EDARADD: variants seen among roughly 807,000 people sequenced by gnomAD.
The protein encoded by EDARADD is ectodysplasin-A receptor-associated adapter protein.
Under a neutral mutation model 25.6 loss-of-function variants are expected in EDARADD, and 20 were observed. The ratio of observed to expected loss-of-function variants is 0.78; its 90% CI spans 0.55 to 1.14. The LOEUF is 1.14. Among genes scored for constraint, EDARADD ranks in the 50% most tolerant of loss-of-function variants. The pLI is 0.00. For synonymous variants in EDARADD, 86 were observed against 94.4 expected, an observed-to-expected ratio of 0.91 and a Z score of 0.52; for missense variants, 225 against 270.1, an observed-to-expected ratio of 0.83 and a Z score of 1.17.
At chr1:236,350,790 T>C (rs1311259193) in exon 3 of EDARADD, 1 of 152,260 alleles carries the variant, frequency 6.6e-6, no homozygotes, top group East Asian at 1.9e-4. Context: ...ACTTCAGTCA[T>C]GCCTGCCTCC....
At chr1:236,438,812 G>A (rs958111196) in intron 4 of EDARADD, among the ~76,000 whole-genome samples, 6 of 151,970 alleles carry the variant, frequency 3.9e-5, no homozygotes, top group Admixed American at 1.3e-4. Flanking sequence ...GTAACGGTGC[G>A]TTTGTTATGA....
chr1:236,404,751 G>A (rs963764034), intron 1 of EDARADD, among the ~76,000 whole-genome samples: 2 of 152,032 alleles, frequency 1.3e-5, no homozygotes, highest in East Asian at 1.9e-4. Flanking sequence ...TGCAGTAAGC[G>A]GTGATCACAT....
chr1:236,383,155 G>A (rs2102996515), intron 3 of EDARADD, among the ~76,000 whole-genome samples: 1 of 152,126 alleles, frequency 6.6e-6, no homozygotes, highest in Middle Eastern at 3.4e-3. Context: ...AGCACTTTAG[G>A]AGGCCAAGAT....
At chr1:236,449,997 A>C (rs1198071277) in intron 4 of EDARADD, among the ~76,000 whole-genome samples, 1 of 151,952 alleles carries the variant, frequency 6.6e-6, no homozygotes, top group Non-Finnish European at 1.5e-5. Flanking sequence ...GCTACTGGGG[A>C]GGCTGAGGCA....
At chr1:236,393,230 C>CCAAATGCA (rs1426736787), upstream of EDARADD, among the ~76,000 whole-genome samples, 1 of 152,040 alleles carries the variant, frequency 6.6e-6, no homozygotes. Context: ...TCCATGATTA[C>CCAAATGCA]CAAATGCACT....
intron 4 of EDARADD, among the ~76,000 whole-genome samples, chr1:236,428,879 A>G (rs1364941871): frequency 6.6e-6 from 1 of 152,028 alleles, no homozygotes; most frequent in Non-Finnish European, 1.5e-5. Context: ...TCTGTCTGCA[A>G]TCCCGGCGCC....
rs878914061 is a variant in EDARADD, at chr1:236,483,491, T to C, written c.*842T>C. Reference sequence around the variant, plus strand: ...AAAATAAATCTAAATTTGGTGCAAATGCCATTCTGGGAGTGTCCCTCGCTG... The same window carrying C: ...AAAATAAATCTAAATTTGGTGCAAACGCCATTCTGGGAGTGTCCCTCGCTG... On this transcript the variant is annotated 3_prime_UTR_variant, in exon 6 of 6. Transcript: ENST00000334232. The C allele has an allele frequency of 5.9e-6, 6 of 1,019,924 alleles. No homozygotes were observed. The highest frequency in any genetic ancestry group is 1.3e-5 in the South Asian group (1 of 78,966). 63.2% of individuals were successfully genotyped at this position (1,019,924 alleles called of 1,614,324 possible). A position where few individuals can be genotyped will look rare whatever the true frequency, so the allele number is the denominator to read the frequency against.
intron 2 of EDARADD, among the ~76,000 whole-genome samples, chr1:236,410,719 G>A (rs186459524): frequency 7.9e-5 from 12 of 152,304 alleles, no homozygotes; most frequent in Admixed American, 7.2e-4. Context: ...AAAAGTTTTG[G>A]TTAACTGATT....
intron 4 of EDARADD, among the ~76,000 whole-genome samples, chr1:236,436,631 A>AAC (rs1252500922): frequency 6.6e-6 from 1 of 151,658 alleles, no homozygotes; most frequent in East Asian, 1.9e-4. Context: ...TGTCAAAAAA[A>AAC]AAAAAAAAAA....
At chr1:236,360,367 A>G (rs1667031448) in intron 3 of EDARADD, among the ~76,000 whole-genome samples, 1 of 151,790 alleles carries the variant, frequency 6.6e-6, no homozygotes, top group Admixed American at 6.6e-5. Context: ...TACTTAGGAG[A>G]CTAGAAGGAG....
chr1:236,368,477 GTTGC>G (rs1667138322), intron 3 of EDARADD, among the ~76,000 whole-genome samples: 1 of 90,916 alleles, frequency 1.1e-5, no homozygotes, highest in Non-Finnish European at 2.1e-5. Flanking sequence ...TTTCACTCTT[GTTGC>G]CAAGGCTGGA....
intron 3 of EDARADD, among the ~76,000 whole-genome samples, chr1:236,415,767 G>C (rs1421893204): frequency 1.3e-5 from 2 of 152,184 alleles, no homozygotes; most frequent in Non-Finnish European, 2.9e-5. Flanking sequence ...CCTTTATGGA[G>C]GCCAAGTTGC....
upstream of EDARADD, among the ~76,000 whole-genome samples, chr1:236,391,874 T>C (rs1667430450): frequency 1.3e-5 from 2 of 152,164 alleles, no homozygotes; most frequent in Admixed American, 1.3e-4. Context: ...TGCCCATGAG[T>C]TAAAGCCTCG....
At chr1:236,470,123 A>G (rs367661849) in intron 5 of EDARADD, among the ~76,000 whole-genome samples, 3 of 152,168 alleles carry the variant, frequency 2.0e-5, no homozygotes, top group African/African-American at 4.8e-5. Context: ...CCACTATCCT[A>G]TATTTCTAAA....
intron 4 of EDARADD, among the ~76,000 whole-genome samples, chr1:236,451,261 C>A (rs1658704220): frequency 6.6e-6 from 1 of 152,142 alleles, no homozygotes; most frequent in South Asian, 2.1e-4. Flanking sequence ...GGAGCTGGTT[C>A]CCAATCCCTC....
chr1:236,355,514 T>C (rs1666964892), intron 3 of EDARADD, among the ~76,000 whole-genome samples: 1 of 137,500 alleles, frequency 7.3e-6, no homozygotes. Flanking sequence ...TTTTTTTTTT[T>C]TTTTTTTTTT....
chr1:236,475,121 G>A lies in EDARADD; in HGVS notation c.265+6845G>A, dbSNP rs570515919. On this transcript the variant is annotated intron_variant, in intron 5 of 5. Transcript: ENST00000334232. ...GCACTCCAGCCTGGGCAACAAGAGC[G>A]AGACTCCGTCTCAAAAAACAAAACA... Among the ~76,000 whole-genome samples, 8 of 151,608 alleles carry A rather than the reference G, an allele frequency of 5.3e-5. No individual in the cohort carries two copies. In the South Asian group the frequency reaches 1.5e-3, roughly 28 times the overall value.
chr1:236,467,463 CACCT>C (rs1659237020), intron 4 of EDARADD, among the ~76,000 whole-genome samples: 4 of 150,764 alleles, frequency 2.7e-5, no homozygotes, highest in African/African-American at 9.8e-5. Flanking sequence ...CACATACACA[CACCT>C]GTCCAAGATC....
chr1:236,439,109 C>T (rs1423793687), intron 4 of EDARADD, among the ~76,000 whole-genome samples: 1 of 152,178 alleles, frequency 6.6e-6, no homozygotes, highest in Non-Finnish European at 1.5e-5. Context: ...TGCTATGTAA[C>T]CTTTTCAGAT....
Sources: allele counts gnomAD v4.1 joint callset (sites outside exome capture counted in the v4.1 genomes callset), GRCh38; gene constraint gnomAD v4.1.1; transcripts MANE v1.5; gene names NCBI Gene and HGNC (gene_info 2026-07-23, HGNC 2026-07-21).